Variants in PPP4R2 observed in about 807,000 individuals in gnomAD.
PPP4R2 encodes serine/threonine-protein phosphatase 4 regulatory subunit 2.
PPP4R2 carries 13 observed loss-of-function variants against 47.2 expected under a neutral mutation model. The ratio of observed to expected loss-of-function variants is 0.28; its 90% CI spans 0.18 to 0.44. The LOEUF is 0.44. PPP4R2 is among the 20% of genes least tolerant of loss of function. The pLI, the probability that PPP4R2 is intolerant of heterozygous loss-of-function variation, is 1.00. For missense variants in PPP4R2, 421 were observed against 491.2 expected, an observed-to-expected ratio of 0.86 and a Z score of 1.35; for synonymous variants, 151 against 163.3, an observed-to-expected ratio of 0.92 and a Z score of 0.57.
intron 2 of PPP4R2, among the ~76,000 whole-genome samples, chr3:73,032,775 A>T (rs1056969638): frequency 2.0e-5 from 3 of 152,158 alleles, no homozygotes; most frequent in Non-Finnish European, 4.4e-5. Context: ...TTCCAGTATA[A>T]TTACATTGAA....
In PPP4R2 at chr3:72,999,224, T is replaced by TA. The variant is rs749497326; in HGVS notation, c.116+1067dup. Among the ~76,000 whole-genome samples the TA allele has an allele frequency of 2.2e-4, 34 of 152,350 alleles. No individual in the cohort carries two copies. The South Asian group carries it at 2.7e-3, about 12-fold the overall frequency. On this transcript the variant is annotated intron_variant, in intron 2 of 8. Coordinates refer to ENST00000356692, the MANE Select transcript of PPP4R2 (RefSeq NM_174907.4). Reference sequence around the variant, plus strand: ...ATGTGTTCAATGTTGTATTTCTATTTATTACATTAAAAAATGGGACCCTCT... The same window carrying TA: ...ATGTGTTCAATGTTGTATTTCTATTTAATTACATTAAAAAATGGGACCCTCT...
chr3:73,052,900 G>A lies in PPP4R2; in HGVS notation c.287+5544G>A, dbSNP rs181927162. 1.1e-4 allele frequency among the ~76,000 whole-genome samples: 17 copies of A among 152,292 alleles called. 1 individual carries two copies. The highest frequency in any genetic ancestry group is 9.2e-4 in the Admixed American group (14 of 15,294). ...AGCAGGTACAGTCAGTCACAGCTGA[G>A]AGTACTGCTCATGATCTTTTAAAGT... On this transcript the variant is annotated intron_variant, in intron 3 of 8. Coordinates refer to ENST00000356692, the MANE Select transcript of PPP4R2 (RefSeq NM_174907.4).
Position 73,039,735 on chromosome 3 carries a change from A to G in PPP4R2, c.117-7451A>G, listed in dbSNP as rs368501824. ...CCAGTACAAAGGACATCCTCCTGTG[A>G]CAAAGAATTCTATCCAACTTGAAAA... On this transcript the variant is annotated intron_variant, in intron 2 of 8. Coordinates refer to ENST00000356692, the MANE Select transcript of PPP4R2 (RefSeq NM_174907.4). 2.5e-4 allele frequency among the ~76,000 whole-genome samples: 38 copies of G among 152,246 alleles called. 1 individual carries two copies. Among genetic ancestry groups the G allele is most frequent in the African/African-American group, 8.9e-4 (37 of 41,544 alleles).
chr3:73,051,035 C>T (rs1463693076), intron 3 of PPP4R2, among the ~76,000 whole-genome samples: 1 of 152,190 alleles, frequency 6.6e-6, no homozygotes, highest in Non-Finnish European at 1.5e-5. Context: ...CTGCCTCAGC[C>T]TCCCGAGTAG....
At chr3:73,058,357 T>TA (rs1702770575) in intron 3 of PPP4R2, among the ~76,000 whole-genome samples, 1 of 152,076 alleles carries the variant, frequency 6.6e-6, no homozygotes, top group Non-Finnish European at 1.5e-5. Flanking sequence ...GAAAAATACA[T>TA]ATATTAAATA....
At chr3:73,052,415 A>G (rs1051277162) in intron 3 of PPP4R2, among the ~76,000 whole-genome samples, 4 of 152,144 alleles carry the variant, frequency 2.6e-5, no homozygotes, top group African/African-American at 9.7e-5. Context: ...TGGTCAATTA[A>G]AAGACCATTT....
chr3:73,002,629 C>CTTTTTTTTTTTTTT lies in PPP4R2; in HGVS notation c.116+4475_116+4476insTTTTTTTTTTTTTT, dbSNP rs1245599779. Among the ~76,000 whole-genome samples, 393 of 82,854 alleles carry CTTTTTTTTTTTTTT rather than the reference C, an allele frequency of 4.7e-3. 50 individuals are homozygous for CTTTTTTTTTTTTTT. The highest frequency in any genetic ancestry group is 5.9e-3 in the Non-Finnish European group (246 of 41,532). 54.4% of individuals were successfully genotyped at this position (82,854 alleles called of 152,430 possible). ...TTTTTCTTTTCTTTTCTTTTCTTTT[C>CTTTTTTTTTTTTTT]TTTTCTTTTTTTTTTTTTTTTTTTT... On this transcript the variant is annotated intron_variant, in intron 2 of 8. Transcript: ENST00000356692.
At chr3:73,040,346 C>CT (rs1471675889) in intron 2 of PPP4R2, among the ~76,000 whole-genome samples, 2 of 152,074 alleles carry the variant, frequency 1.3e-5, no homozygotes, top group Admixed American at 1.3e-4. Flanking sequence ...AAACAAAAGT[C>CT]TTGACGTATG....
At chr3:73,045,747 G>C (rs191435905) in intron 2 of PPP4R2, among the ~76,000 whole-genome samples, 1 of 151,922 alleles carries the variant, frequency 6.6e-6, no homozygotes, top group Non-Finnish European at 1.5e-5. Flanking sequence ...GGCTGATCTC[G>C]AACTCCTGAC....
chr3:73,027,458 A>G (rs1455090449), intron 2 of PPP4R2, among the ~76,000 whole-genome samples: 3 of 152,182 alleles, frequency 2.0e-5, no homozygotes, highest in Admixed American at 6.5e-5. Flanking sequence ...AGTTCTACAC[A>G]TAATTCCCAG....
chr3:73,001,975 A>G (rs1701472781), intron 2 of PPP4R2, among the ~76,000 whole-genome samples: 1 of 152,002 alleles, frequency 6.6e-6, no homozygotes, highest in Admixed American at 6.6e-5. Flanking sequence ...AAATACATGT[A>G]TATTCTTTTT....
intron 2 of PPP4R2, among the ~76,000 whole-genome samples, chr3:73,046,105 T>C (rs977032017): frequency 1.3e-5 from 2 of 152,238 alleles, no homozygotes; most frequent in East Asian, 1.9e-4. Context: ...TTCTGGCTTC[T>C]GCTACAGCTA....
At chr3:73,063,867 A>T in intron 6 of PPP4R2, 120 bp downstream of exon 6, 1 of 1,092,834 alleles carries the variant, frequency 9.2e-7, no homozygotes, top group Admixed American at 2.2e-5. Flanking sequence ...ACTACATAGA[A>T]TTAGTTAATT....
intron 2 of PPP4R2, among the ~76,000 whole-genome samples, chr3:73,045,893 G>A (rs2035810): frequency 0.53 from 80,287 of 151,998 alleles, 21,573 homozygotes; most frequent in African/African-American, 0.62. Flanking sequence ...TCAGCTGGCA[G>A]CGGTCTAAAT....
intron 5 of PPP4R2, chr3:73,063,318 T>TTA (rs1553652005): frequency 2.2e-5 from 2 of 91,632 alleles, no homozygotes; most frequent in African/African-American, 1.2e-4. Flanking sequence ...TCTCATTATT[T>TTA]AAAAAAAAAA....
chr3:73,029,228 A>T (rs1350320139), intron 2 of PPP4R2, among the ~76,000 whole-genome samples: 1 of 152,270 alleles, frequency 6.6e-6, no homozygotes, highest in African/African-American at 2.4e-5. Context: ...GGCGTGAGCC[A>T]CTTCGCCTGG....
chr3:73,047,774 G>A (rs528217539), intron 3 of PPP4R2, among the ~76,000 whole-genome samples: 3 of 152,202 alleles, frequency 2.0e-5, no homozygotes, highest in South Asian at 2.1e-4. Context: ...CCTAAGTAAC[G>A]GCTTGCTTGT....
chr3:73,015,034 G>T, intron 2 of PPP4R2: 1 of 600,872 alleles, frequency 1.7e-6, no homozygotes, highest in Non-Finnish European at 3.0e-6. Flanking sequence ...TATACTCCTG[G>T]CCTGTTTATT....
Position 73,018,840 on chromosome 3 carries a change from T to G in PPP4R2, c.116+20682T>G, listed in dbSNP as rs73838447. On this transcript the variant is annotated intron_variant, in intron 2 of 8. Coordinates refer to ENST00000356692, the MANE Select transcript of PPP4R2 (RefSeq NM_174907.4). ...ATATATATTATTTACTGAGAAGTTT[T>G]CTTGGATCTCCTTTTCTCAATAAAA... Among the ~76,000 whole-genome samples the G allele has an allele frequency of 6.6e-3, 1,003 of 152,322 alleles. 8 individuals carry two copies. The highest frequency in any genetic ancestry group is 0.023 in the African/African-American group (947 of 41,564).
Sources: allele counts gnomAD v4.1 joint callset (sites outside exome capture counted in the v4.1 genomes callset), GRCh38; gene constraint gnomAD v4.1.1; transcripts MANE v1.5; gene names NCBI Gene and HGNC (gene_info 2026-07-23, HGNC 2026-07-21).